WLS: variants seen among roughly 807,000 people sequenced by gnomAD.
The protein encoded by WLS is Wnt ligand secretion mediator, also known as protein wntless homolog.
In WLS, 23 loss-of-function variants were observed where a neutral mutation model predicts 62.8. The observed-to-expected ratio is 0.37, with a 90% CI of 0.26 to 0.52. The LOEUF (loss-of-function observed/expected upper bound fraction) is 0.52. WLS is among the 20% of genes least tolerant of loss of function. The pLI is 0.92. For synonymous variants in WLS, 246 were observed against 244.1 expected, an observed-to-expected ratio of 1.01 and a Z score of -0.07; for missense variants, 615 against 697.3, an observed-to-expected ratio of 0.88 and a Z score of 1.33.
chr1:68,114,635 G>A (rs1305772968), intron 11 of WLS, among the ~76,000 whole-genome samples: 1 of 152,172 alleles, frequency 6.6e-6, no homozygotes, highest in African/African-American at 2.4e-5. Flanking sequence ...ACAGGCATCT[G>A]ACTGGTGCAG....
intron 1 of WLS, 150 bp from the exon 2 acceptor site, chr1:68,194,377 G>A (rs1307706027): frequency 4.0e-5 from 42 of 1,042,714 alleles, no homozygotes; most frequent in Admixed American, 5.7e-5. Flanking sequence ...TTCCAAATCT[G>A]GGTGAGGATC....
At chr1:68,214,080 G>A (rs528378535) in intron 1 of WLS, among the ~76,000 whole-genome samples, 14 of 152,176 alleles carry the variant, frequency 9.2e-5, no homozygotes, top group African/African-American at 2.2e-4. Context: ...GCAGGAACCC[G>A]TGTTGCAATG....
chr1:68,155,350 G>A (rs1290784624), intron 3 of WLS, 90 bp from the exon 4 acceptor site: 19 of 1,459,686 alleles, frequency 1.3e-5, no homozygotes, highest in Non-Finnish European at 1.7e-5. Context: ...AACATCAATT[G>A]TAAGCAGCTA....
Position 68,169,231 on chromosome 1 carries a change from C to T in WLS, c.380-9984G>A, listed in dbSNP as rs142819155. ...GGAACATGACAAGGACAAGGGAGAACGGTGCTCACATTAGGTTCTCTTCAA... is the reference window on the plus strand; with the variant it reads ...GGAACATGACAAGGACAAGGGAGAATGGTGCTCACATTAGGTTCTCTTCAA... On this transcript the variant is annotated intron_variant, in intron 2 of 11. Transcript: ENST00000262348. Among the ~76,000 whole-genome samples the T allele has an allele frequency of 4.1e-3, 627 of 152,320 alleles. 3 individuals carry two copies. Among genetic ancestry groups the T allele is most frequent in the African/African-American group, 0.014 (576 of 41,582 alleles).
At chr1:68,193,196 T>G (rs1302368639) in intron 2 of WLS, among the ~76,000 whole-genome samples, 1 of 151,522 alleles carries the variant, frequency 6.6e-6, no homozygotes, top group East Asian at 1.9e-4. Flanking sequence ...TTAACACATC[T>G]TTTTCCCTTT....
rs113034929 is a variant in WLS at position 68,204,783 on chromosome 1, A to T, written c.107-10556T>A. On this transcript the variant is annotated intron_variant, in intron 1 of 11. Coordinates refer to ENST00000262348, the MANE Select transcript of WLS (RefSeq NM_024911.7). ...GCCTCCTCTGATTTTCCTTCAGTTGACAAAAGATCCTTACTTCCTTTGGTG... is the reference window on the plus strand; with the variant it reads ...GCCTCCTCTGATTTTCCTTCAGTTGTCAAAAGATCCTTACTTCCTTTGGTG... Among the ~76,000 whole-genome samples the T allele has an allele frequency of 1.2e-3, 178 of 152,216 alleles. 1 individual carries two copies. Among genetic ancestry groups the T allele is most frequent in the African/African-American group, 4.2e-3 (174 of 41,528 alleles).
In WLS at chr1:68,133,659, G is replaced by A. The variant is rs543693282; in HGVS notation, c.1516+4121C>T. Among the ~76,000 whole-genome samples the A allele has an allele frequency of 1.1e-4, 16 of 152,320 alleles. No individual in the cohort carries two copies. In the South Asian group the frequency reaches 2.9e-3, roughly 28 times the overall value. ...AGAAATATATGAGAAAATGCTCTTTGGAAAGTGACCTTGTCTTGAACCTGT... is the reference window on the plus strand; with the variant it reads ...AGAAATATATGAGAAAATGCTCTTTAGAAAGTGACCTTGTCTTGAACCTGT... On this transcript the variant is annotated intron_variant, in intron 11 of 11. Transcript: ENST00000262348.
intron 11 of WLS, among the ~76,000 whole-genome samples, chr1:68,116,992 G>A (rs1291442558): frequency 6.6e-6 from 1 of 152,086 alleles, no homozygotes; most frequent in African/African-American, 2.4e-5. Context: ...ACTCACCTTT[G>A]TGCAGGTTAG....
chr1:68,109,843 AT>A (rs1646198028), intron 11 of WLS, among the ~76,000 whole-genome samples: 1 of 152,042 alleles, frequency 6.6e-6, no homozygotes, highest in South Asian at 2.1e-4. Flanking sequence ...ACCCACAAGA[AT>A]GGGCAAAATA....
intron 1 of WLS, chr1:68,231,634 G>A (rs1650424849): frequency 2.4e-6 from 1 of 420,178 alleles, no homozygotes; most frequent in African/African-American, 2.0e-5. Context: ...AAAGCAGAGG[G>A]CGCGAAGGTC....
chr1:68,220,102 G>A (rs747113311), intron 1 of WLS, among the ~76,000 whole-genome samples: 2 of 152,168 alleles, frequency 1.3e-5, no homozygotes, highest in Non-Finnish European at 2.9e-5. Context: ...CAAATTAAAT[G>A]TTGGTTAAAA....
intron 11 of WLS, among the ~76,000 whole-genome samples, chr1:68,104,349 G>C (rs1646117381): frequency 6.6e-6 from 1 of 152,106 alleles, no homozygotes; most frequent in Non-Finnish European, 1.5e-5. Context: ...AAAGTCCAGG[G>C]AGGTCATTGT....
chr1:68,230,913 GC>G lies in WLS; in HGVS notation c.106+1280del, dbSNP rs542205545. Among the ~76,000 whole-genome samples, 247 of 152,290 alleles carry G rather than the reference GC, an allele frequency of 1.6e-3. 1 individual carries two copies. Among genetic ancestry groups the G allele is most frequent in the African/African-American group, 5.7e-3 (235 of 41,558 alleles). ...CACGACTGGAGGTGCCCAAGCCTGT[GC>G]AGCTCTGGCAGCGACGCCGCCGGCG... On this transcript the variant is annotated intron_variant, in intron 1 of 11. Transcript: ENST00000262348.
chr1:68,176,145 G>A (rs935798613), intron 2 of WLS, among the ~76,000 whole-genome samples: 4 of 152,158 alleles, frequency 2.6e-5, no homozygotes, highest in African/African-American at 9.7e-5. Flanking sequence ...CAACAGAGAA[G>A]CCTGAGAGGC....
chr1:68,116,879 A>G (rs1646299510), intron 11 of WLS, among the ~76,000 whole-genome samples: 2 of 152,192 alleles, frequency 1.3e-5, no homozygotes, highest in African/African-American at 4.8e-5. Context: ...AATTGTGGAC[A>G]AGGGTGGTTT....
chr1:68,127,058 A>C, intron 11 of WLS: 2 of 398,180 alleles, frequency 5.0e-6, no homozygotes, highest in Non-Finnish European at 9.9e-6. Flanking sequence ...ACCTGCGTGC[A>C]GTAACTCACA....
rs6143260 is a variant in WLS at position 68,131,062 on chromosome 1, TTGTGTG to T, written c.1517-4733_1517-4728del. Among the ~76,000 whole-genome samples, 10 of 146,142 alleles carry T rather than the reference TTGTGTG, an allele frequency of 6.8e-5. No homozygotes were observed. In the South Asian group the frequency reaches 8.9e-4, roughly 13 times the overall value. On this transcript the variant is annotated intron_variant, in intron 11 of 11. Transcript: ENST00000262348. Reference sequence around the variant, plus strand: ...CGCATGCCACCATGCCCAGCTAATTTTGTGTGTGTGTGTGTGTGTGTGTGTTTTTAA... The same window carrying T: ...CGCATGCCACCATGCCCAGCTAATTTTGTGTGTGTGTGTGTGTGTTTTTAA...
intron 6 of WLS, among the ~76,000 whole-genome samples, chr1:68,149,208 G>A (rs1055339782): frequency 6.6e-6 from 1 of 152,102 alleles, no homozygotes; most frequent in Non-Finnish European, 1.5e-5. Context: ...GAGAAAAAAG[G>A]GAAAGCAAAG....
intron 11 of WLS, among the ~76,000 whole-genome samples, chr1:68,114,217 A>T (rs1283978213): frequency 1.3e-5 from 2 of 152,114 alleles, no homozygotes; most frequent in African/African-American, 2.4e-5. Context: ...TCAGCTTGGG[A>T]TAGGGTGAGG....
Sources: allele counts gnomAD v4.1 joint callset (sites outside exome capture counted in the v4.1 genomes callset), GRCh38; gene constraint gnomAD v4.1.1; transcripts MANE v1.5; gene names NCBI Gene and HGNC (gene_info 2026-07-23, HGNC 2026-07-21).